EPHB2: variants seen among roughly 807,000 people sequenced by gnomAD.
EPHB2 encodes the protein ephrin type-B receptor 2.
Under a neutral mutation model 96.4 loss-of-function variants are expected in EPHB2, and 18 were observed. The observed-to-expected ratio is 0.19, with a 90% CI of 0.13 to 0.28. The LOEUF is 0.28. EPHB2 is among the 10% of genes least tolerant of loss of function. The probability of loss-of-function intolerance (pLI) is 1.00; values close to 1 mark genes in which losing one functional copy is unlikely to be tolerated. For missense variants in EPHB2, 989 were observed against 1,355.4 expected (o/e 0.73, Z 4.25); for synonymous variants, 506 against 534.1 (o/e 0.95, Z 0.72).
chr1:22,736,494 C>T (rs1187589248), intron 1 of EPHB2, among the ~76,000 whole-genome samples: 2 of 152,248 alleles, frequency 1.3e-5, no homozygotes, highest in Middle Eastern at 3.2e-3. Flanking sequence ...ACAGACCCGC[C>T]TCAGTCACTG....
At chr1:22,841,331 CTT>C (rs1303321686) in intron 3 of EPHB2, among the ~76,000 whole-genome samples, 1 of 152,166 alleles carries the variant, frequency 6.6e-6, no homozygotes, top group African/African-American at 2.4e-5. Context: ...TAAATGGCCT[CTT>C]GTTGTTCCTG....
intron 9 of EPHB2, among the ~76,000 whole-genome samples, chr1:22,899,068 C>T (rs1177727979): frequency 6.6e-6 from 1 of 151,822 alleles, no homozygotes; most frequent in Non-Finnish European, 1.5e-5. Context: ...TGGTGCATGC[C>T]TGTAATCCCA....
chr1:22,796,786 C>G (rs930803559), intron 3 of EPHB2, among the ~76,000 whole-genome samples: 26 of 152,238 alleles, frequency 1.7e-4, no homozygotes, highest in Non-Finnish European at 1.2e-4. Context: ...GGTGCTCACT[C>G]TGTGCCAGGC....
At chr1:22,763,118 G>T (rs1644257787) in intron 1 of EPHB2, among the ~76,000 whole-genome samples, 1 of 152,198 alleles carries the variant, frequency 6.6e-6, no homozygotes, top group South Asian at 2.1e-4. Flanking sequence ...TCTGAGAGTG[G>T]ACAGGACATC....
intron 3 of EPHB2, among the ~76,000 whole-genome samples, chr1:22,856,508 C>G (rs1645701592): frequency 1.3e-5 from 2 of 152,048 alleles, no homozygotes; most frequent in South Asian, 2.1e-4. Flanking sequence ...CAAATCCCGT[C>G]CCCTCGGCAG....
intron 1 of EPHB2, among the ~76,000 whole-genome samples, chr1:22,773,440 C>G (rs1644405787): frequency 6.6e-6 from 1 of 152,208 alleles, no homozygotes; most frequent in Non-Finnish European, 1.5e-5. Flanking sequence ...CTGGGAAGAG[C>G]CTGGGCTGGC....
chr1:22,851,906 A>G (rs577022512), intron 3 of EPHB2, among the ~76,000 whole-genome samples: 2 of 152,294 alleles, frequency 1.3e-5, no homozygotes, highest in East Asian at 3.9e-4. Context: ...CATCTCCTCC[A>G]GAGGTTGACC....
chr1:22,894,180 T>C (rs1051735203), intron 7 of EPHB2, among the ~76,000 whole-genome samples: 12 of 152,184 alleles, frequency 7.9e-5, no homozygotes, highest in Non-Finnish European at 1.0e-4. Context: ...TGTCCCAAGA[T>C]CCTTTTATTA....
At chr1:22,816,279 T>C (rs1372474978) in intron 3 of EPHB2, among the ~76,000 whole-genome samples, 1 of 152,152 alleles carries the variant, frequency 6.6e-6, no homozygotes, top group Non-Finnish European at 1.5e-5. Flanking sequence ...GCCCCAGCCC[T>C]GCTGTGTCTG....
intron 3 of EPHB2, among the ~76,000 whole-genome samples, chr1:22,816,755 G>A (rs1645080702): frequency 6.6e-6 from 1 of 152,236 alleles, no homozygotes; most frequent in Non-Finnish European, 1.5e-5. Context: ...GGTCAGATGA[G>A]ATGATGGATA....
At chr1:22,800,080 C>T (rs368134522) in intron 3 of EPHB2, among the ~76,000 whole-genome samples, 1 of 152,258 alleles carries the variant, frequency 6.6e-6, no homozygotes, top group Non-Finnish European at 1.5e-5. Flanking sequence ...TGCCCTCCCC[C>T]ACACCCTGCT....
Position 22,875,031 on chromosome 1 carries a change from G to A in EPHB2, c.1304-7328G>A, listed in dbSNP as rs940475332. On this transcript the variant is annotated intron_variant, in intron 5 of 15. Coordinates refer to ENST00000374630, the MANE Select transcript of EPHB2 (RefSeq NM_017449.5). The surrounding 1 kb of genome is among the most constrained non-coding windows in gnomAD (Gnocchi z 4.2). ...ACAAGCAGACGGGCTACAACTCTGC[G>A]TTCCTCAAACTTTCTTAGCCACAGA... is the stretch of plus-strand genomic sequence containing the variant. 9.9e-5 allele frequency among the ~76,000 whole-genome samples: 15 copies of A among 152,136 alleles called. No homozygotes were observed. Among genetic ancestry groups the A allele is most frequent in the African/African-American group, 3.1e-4 (13 of 41,428 alleles).
At chr1:22,900,306 A>G (rs1639709884) in intron 9 of EPHB2, among the ~76,000 whole-genome samples, 1 of 152,182 alleles carries the variant, frequency 6.6e-6, no homozygotes, top group Admixed American at 6.5e-5. Flanking sequence ...AAAAAAAGAA[A>G]AAGAAAGATT....
chr1:22,800,520 G>C (rs1049463583), intron 3 of EPHB2, among the ~76,000 whole-genome samples: 1 of 152,176 alleles, frequency 6.6e-6, no homozygotes, highest in African/African-American at 2.4e-5. Flanking sequence ...GTGTGTACAC[G>C]CCACTGCTGT....
chr1:22,733,254 G>A lies in EPHB2; in HGVS notation c.61+22211G>A, dbSNP rs1643756359. On this transcript the variant is annotated intron_variant, in intron 1 of 15. Coordinates refer to ENST00000374630, the MANE Select transcript of EPHB2 (RefSeq NM_017449.5). This position sits in a 1 kb window ranked among gnomAD's most constrained non-coding sequence, Gnocchi z 4.6. ...AGTAGAGACGGGGTTTCACCGTGTTGGCCAGGCTGGTCTCAAACTTCTGAC... is the reference window on the plus strand; with the variant it reads ...AGTAGAGACGGGGTTTCACCGTGTTAGCCAGGCTGGTCTCAAACTTCTGAC... Among the ~76,000 whole-genome samples the A allele has an allele frequency of 6.6e-6, 1 of 152,026 alleles. No individual in the cohort carries two copies. Among genetic ancestry groups the A allele is most frequent in the Non-Finnish European group, 1.5e-5 (1 of 68,014 alleles).
Position 22,875,479 on chromosome 1 carries a change from C to CG in EPHB2, c.1304-6879dup, listed in dbSNP as rs1638808856. Among the ~76,000 whole-genome samples, 1 of 152,154 alleles carries CG rather than the reference C, an allele frequency of 6.6e-6. No homozygotes were observed. Among genetic ancestry groups the CG allele is most frequent in the South Asian group, 2.1e-4 (1 of 4,832 alleles). On this transcript the variant is annotated intron_variant, in intron 5 of 15. Coordinates refer to ENST00000374630, the MANE Select transcript of EPHB2 (RefSeq NM_017449.5). This position sits in a 1 kb window ranked among gnomAD's most constrained non-coding sequence, Gnocchi z 4.2. ...CCTGGGGGAGAGGGAAACTGCCTTC[C>CG]GCTGGCTGCTTGGGAAGTACTGCCT...
At chr1:22,715,766 A>G (rs1475108136) in intron 1 of EPHB2, among the ~76,000 whole-genome samples, 1 of 152,196 alleles carries the variant, frequency 6.6e-6, no homozygotes, top group Non-Finnish European at 1.5e-5. Context: ...GAACGGGGCC[A>G]GCTGACTTCA....
chr1:22,718,553 A>AT (rs1277551113), intron 1 of EPHB2, among the ~76,000 whole-genome samples: 17 of 151,580 alleles, frequency 1.1e-4, no homozygotes, highest in Admixed American at 1.1e-3. Context: ...TGCCCGGCTA[A>AT]TTTTTTGTAT....
At chr1:22,785,219 A>T in intron 3 of EPHB2, 143 bp downstream of exon 3, 1 of 1,046,802 alleles carries the variant, frequency 9.6e-7, no homozygotes, top group Non-Finnish European at 1.4e-6. Flanking sequence ...CAAACCAGCA[A>T]CCATCGTTCA....
Sources: allele counts gnomAD v4.1 joint callset (sites outside exome capture counted in the v4.1 genomes callset), GRCh38; gene constraint gnomAD v4.1.1; non-coding constraint Gnocchi (gnomAD v3.1); transcripts MANE v1.5; gene names NCBI Gene and HGNC (gene_info 2026-07-23, HGNC 2026-07-21).